GIPR: variants seen among roughly 807,000 people sequenced by gnomAD.
GIPR encodes the protein GIP-R.
GIPR carries 74 observed loss-of-function variants against 62.2 expected under a neutral mutation model. That is an observed-to-expected ratio of 1.19 (90% CI 0.99 to 1.44). The LOEUF (loss-of-function observed/expected upper bound fraction) is 1.44. GIPR is among the 40% of genes most tolerant of loss of function. GIPR has a pLI of 0.00. For missense variants in GIPR, 664 were observed against 611.8 expected (o/e 1.09, Z -0.90); for synonymous variants, 256 against 262.2 (o/e 0.98, Z 0.23).
In GIPR at chr19:45,681,986, A is replaced by G. The variant is rs1226190719; in HGVS notation, c.*51A>G. 16 of 1,442,778 alleles carry G rather than the reference A, an allele frequency of 1.1e-5. No individual in the cohort carries two copies. The South Asian group carries it at 1.7e-4, about 15-fold the overall frequency. 89.4% of individuals were successfully genotyped at this position (1,442,778 alleles called of 1,614,324 possible). ...GTTAGCATGGATTTATTGAGTGCCA[A>G]CTGCGTGCCAGGCCCAGTACGGAGG... On this transcript the variant is annotated 3_prime_UTR_variant, in exon 14 of 14. Coordinates refer to ENST00000590918, the MANE Select transcript of GIPR (RefSeq NM_000164.4).
rs775621373 is a variant in GIPR at position 45,681,719 on chromosome 19, C to T, written c.1195-10C>T. 1.2e-6 allele frequency: 2 copies of T among 1,611,376 alleles called. No individual in the cohort carries two copies. Among genetic ancestry groups the T allele is most frequent in the African/African-American group, 1.3e-5 (1 of 75,010 alleles). ...GTACGGCGCCGCCTCTGAGCGCCAT[C>T]GTCTCACAGGTGCAGTCGGAGATCC... On this transcript the variant is annotated splice_polypyrimidine_tract_variant and intron_variant, in intron 13 of 13. Coordinates refer to ENST00000590918, the MANE Select transcript of GIPR (RefSeq NM_000164.4).
At chr19:45,680,483 A>G (rs1394987937) in intron 12 of GIPR, among the ~76,000 whole-genome samples, 1 of 152,008 alleles carries the variant, frequency 6.6e-6, no homozygotes, top group Non-Finnish European at 1.5e-5. Context: ...GAAGTGAGCC[A>G]TGATCACTCC....
intron 8 of GIPR, 99 bp downstream of exon 8, chr19:45,677,207 A>C: frequency 7.0e-7 from 1 of 1,425,458 alleles, no homozygotes; most frequent in South Asian, 1.2e-5. Context: ...TCCCGTCTCT[A>C]GGCTTCTGCC....
Position 45,671,334 on chromosome 19 carries a change from T to C in GIPR, c.222T>C (p.Ala74=), listed in dbSNP as rs1278520953. The change falls in exon 4 of 14, where the codon GCT becomes GCC. Residue 74 remains alanine (A), a synonymous_variant. Transcript: ENST00000590918. ...SFDMYVCWDY[A]APNATARASC... ...ATATGTACGTCTGCTGGGACTATGC[T>C]GCACCCAATGCCACTGCCCGTGCGT... The C allele has an allele frequency of 1.2e-6, 2 of 1,613,054 alleles. No individual in the cohort carries two copies. The highest frequency in any genetic ancestry group is 8.5e-7 in the Non-Finnish European group (1 of 1,179,896).
chr19:45,669,080 T>C (rs1394887701), intron 1 of GIPR, among the ~76,000 whole-genome samples: 1 of 151,836 alleles, frequency 6.6e-6, no homozygotes, highest in Non-Finnish European at 1.5e-5. Flanking sequence ...GCTGACGGTT[T>C]CTACCCCCTC....
chr19:45,676,884 T>TG, intron 7 of GIPR, 65 bp from the exon 8 acceptor site: 1 of 1,457,942 alleles, frequency 6.9e-7, no homozygotes, highest in Non-Finnish European at 9.6e-7. Flanking sequence ...CGATCAAAGC[T>TG]GGGGGAGACT....
chr19:45,670,813 G>A lies in GIPR; in HGVS notation c.172+79G>A, dbSNP rs1036735951. On this transcript the variant is annotated intron_variant, in intron 3 of 13. Coordinates refer to ENST00000590918, the MANE Select transcript of GIPR (RefSeq NM_000164.4). ...GCTTGGGATGGGCCTTGGGCTGACGGGCGGGGAAGAAATCTCGGGGCGCTG... is the reference window on the plus strand; with the variant it reads ...GCTTGGGATGGGCCTTGGGCTGACGAGCGGGGAAGAAATCTCGGGGCGCTG... 8 of 856,840 alleles carry A rather than the reference G, an allele frequency of 9.3e-6. No homozygotes were observed. The African/African-American group carries it at 1.2e-4, about 13-fold the overall frequency. The allele number at this position is 856,840 out of a possible 1,614,324, so 53.1% of individuals were successfully genotyped here.
chr19:45,676,932 G>T lies in GIPR; in HGVS notation c.634-17G>T. 6.2e-7 allele frequency: 1 copy of T among 1,613,024 alleles called. No individual in the cohort carries two copies. Among genetic ancestry groups the T allele is most frequent in the Admixed American group, 1.7e-5 (1 of 60,018 alleles). ...GGCAGCGCTGACTACCCCTCTACCG[G>T]TCTGGCCCCTCCCTAGGCCCTCGCT... On this transcript the variant is annotated splice_polypyrimidine_tract_variant and intron_variant, in intron 7 of 13. Coordinates refer to ENST00000590918, the MANE Select transcript of GIPR (RefSeq NM_000164.4).
intron 12 of GIPR, chr19:45,678,545 T>C (rs1436598627): frequency 1.2e-5 from 5 of 410,558 alleles, no homozygotes; most frequent in Non-Finnish European, 2.3e-5. Flanking sequence ...GTATTTTTAG[T>C]AGAGGCGGGG....
intron 9 of GIPR, 67 bp from the exon 10 acceptor site, chr19:45,677,643 C>T (rs976585564): frequency 1.6e-6 from 2 of 1,279,164 alleles, no homozygotes; most frequent in Non-Finnish European, 2.3e-6. Context: ...GCCTAGCGAG[C>T]AAATGAGCTT....
At chr19:45,674,253 T>A in intron 6 of GIPR, 76 bp downstream of exon 6, 1 of 938,532 alleles carries the variant, frequency 1.1e-6, no homozygotes, top group Non-Finnish European at 1.8e-6. Context: ...TGGGGTGGTC[T>A]GTTTCCACCA....
chr19:45,676,526 C>G (rs1457784646), intron 7 of GIPR, among the ~76,000 whole-genome samples: 1 of 149,240 alleles, frequency 6.7e-6, no homozygotes, highest in Non-Finnish European at 1.5e-5. Flanking sequence ...CTCCACCTCC[C>G]GGGTTCAAGC....
intron 12 of GIPR, 134 bp from the exon 13 acceptor site, chr19:45,681,470 G>C (rs930301819): frequency 7.3e-6 from 6 of 823,702 alleles, no homozygotes; most frequent in Non-Finnish European, 1.0e-5. Context: ...ACTCCCGCCT[G>C]GGCAACAAGA....
At position 45,671,307 on chromosome 19, in the gene GIPR, C is replaced by G; in HGVS notation, c.195C>G (p.Phe65Leu). Reference protein sequence around the residue: ...PPSGLACNGSFDMYVCWDYAA... With the variant: ...PPSGLACNGSLDMYVCWDYAA... ...CAGGCCTCGCCTGTAACGGGTCCTTCGATATGTACGTCTGCTGGGACTATG... is the reference window on the plus strand; with the variant it reads ...CAGGCCTCGCCTGTAACGGGTCCTTGGATATGTACGTCTGCTGGGACTATG... The change falls in exon 4 of 14, where the codon TTC (phenylalanine) becomes TTG (leucine). Residue 65 changes from phenylalanine (F) to leucine (L), a missense_variant. Phe to Leu is a conservative substitution (Grantham distance 22). Transcript: ENST00000590918. The G allele has an allele frequency of 1.2e-6, 2 of 1,612,258 alleles. No individual in the cohort carries two copies. Among genetic ancestry groups the G allele is most frequent in the Non-Finnish European group, 1.7e-6 (2 of 1,179,306 alleles).
At chr19:45,676,426 A>ACT (rs1263610287) in intron 7 of GIPR, among the ~76,000 whole-genome samples, 2 of 73,688 alleles carry the variant, frequency 2.7e-5, no homozygotes, top group African/African-American at 1.1e-4. Flanking sequence ...AAAGAAGCTG[A>ACT]TTTTTTTTTT....
At chr19:45,673,419 CA>C (rs71175203) in intron 5 of GIPR, among the ~76,000 whole-genome samples, 339 of 82,710 alleles carry the variant, frequency 4.1e-3, no homozygotes, top group Middle Eastern at 0.02. Context: ...GACTCCATCT[CA>C]AAAAAAAAAA....
At chr19:45,669,329 G>C in intron 1 of GIPR, 148 bp from the exon 2 acceptor site, 1 of 729,632 alleles carries the variant, frequency 1.4e-6, no homozygotes, top group Non-Finnish European at 2.3e-6. Flanking sequence ...TCACGCCTGG[G>C]AGTTGCGGGA....
chr19:45,678,484 C>T (rs945624158), intron 12 of GIPR: 11 of 544,300 alleles, frequency 2.0e-5, no homozygotes, highest in African/African-American at 1.9e-4. Context: ...CTGCCTCAGC[C>T]TCTAGAGTAG....
At chr19:45,672,493 G>A in intron 4 of GIPR, 1 of 330,394 alleles carries the variant, frequency 3.0e-6, no homozygotes, top group Non-Finnish European at 5.9e-6. Flanking sequence ...TTTTAGTAGA[G>A]ACAGGGTTTC....
Sources: gnomAD v4.1 joint callset for allele counts (sites outside exome capture counted in the v4.1 genomes callset) on GRCh38, gnomAD v4.1.1 for gene constraint, MANE v1.5 for transcripts, NCBI Gene and HGNC (gene_info 2026-07-23, HGNC 2026-07-21) for gene names.